Variants in ELK3 observed in about 807,000 individuals in gnomAD.
The protein encoded by ELK3 is ETS domain-containing protein Elk-3.
ELK3 carries 10 observed loss-of-function variants against 28.9 expected under a neutral mutation model. That is an observed-to-expected ratio of 0.35 (90% CI 0.21 to 0.59). The LOEUF (loss-of-function observed/expected upper bound fraction) is 0.59, where lower values mean the gene tolerates loss of function less well. Ranked by LOEUF, ELK3 falls within the 20% of genes least tolerant of loss-of-function variation. ELK3 has a pLI of 0.82. For synonymous variants in ELK3, 272 were observed against 243.5 expected (o/e 1.12, Z -1.09); for missense variants, 463 against 517.3 (o/e 0.90, Z 1.02).
intron 1 of ELK3, among the ~76,000 whole-genome samples, chr12:96,210,942 AAAG>A (rs891844375): frequency 7.9e-5 from 12 of 152,332 alleles, no homozygotes; most frequent in Non-Finnish European, 1.5e-4. Context: ...GCATATGAGA[AAAG>A]AAGCCTCTAC....
Position 96,267,234 on chromosome 12 carries a change from A to G in ELK3, c.*54A>G, listed in dbSNP as rs1239444211. 2.0e-6 allele frequency: 3 copies of G among 1,509,148 alleles called. No homozygotes were observed. Among genetic ancestry groups the G allele is most frequent in the Non-Finnish European group, 2.7e-6 (3 of 1,103,860 alleles). 93.5% of individuals were successfully genotyped at this position (1,509,148 alleles called of 1,614,324 possible). On this transcript the variant is annotated 3_prime_UTR_variant, in exon 5 of 5. Coordinates refer to ENST00000228741, the MANE Select transcript of ELK3 (RefSeq NM_005230.4). ...TAACTGATGAAACAAATTTGTCCCC[A>G]CGGGCTAGTTTACCTGTGTCGTGAG...
chr12:96,195,830 G>A (rs1262083530), intron 1 of ELK3, among the ~76,000 whole-genome samples: 1 of 152,094 alleles, frequency 6.6e-6, no homozygotes, highest in Non-Finnish European at 1.5e-5. Flanking sequence ...ATGTATTTGT[G>A]CCTTTTACAG....
chr12:96,255,289 A>G (rs1951939145), intron 3 of ELK3, among the ~76,000 whole-genome samples: 1 of 152,132 alleles, frequency 6.6e-6, no homozygotes, highest in Admixed American at 6.5e-5. Flanking sequence ...ACCCTGCAGG[A>G]AATTCGGGTG....
chr12:96,199,570 A>G (rs764114869), intron 1 of ELK3, among the ~76,000 whole-genome samples: 20 of 152,012 alleles, frequency 1.3e-4, no homozygotes, highest in Non-Finnish European at 2.5e-4. Context: ...AGTCTTTTAA[A>G]TAACTATTCT....
intron 1 of ELK3, among the ~76,000 whole-genome samples, chr12:96,217,832 G>A (rs934571506): frequency 3.3e-5 from 5 of 151,360 alleles, no homozygotes; most frequent in Non-Finnish European, 5.9e-5. Context: ...CAGCTACTTG[G>A]AAGGCTGAGG....
chr12:96,217,292 C>A (rs909651926), intron 1 of ELK3, among the ~76,000 whole-genome samples: 2 of 152,222 alleles, frequency 1.3e-5, no homozygotes, highest in African/African-American at 4.8e-5. Context: ...GCATTCTTGA[C>A]TCTAGAGAAG....
At chr12:96,235,652 A>G (rs1025937934) in intron 2 of ELK3, among the ~76,000 whole-genome samples, 3 of 152,078 alleles carry the variant, frequency 2.0e-5, no homozygotes, top group African/African-American at 7.2e-5. Context: ...AGCCAGGATG[A>G]GAAGACACTC....
chr12:96,196,152 C>A (rs1951464905), intron 1 of ELK3, among the ~76,000 whole-genome samples: 1 of 152,150 alleles, frequency 6.6e-6, no homozygotes, highest in Non-Finnish European at 1.5e-5. Context: ...GTTTCCGCTG[C>A]TCGGCACAGG....
intron 1 of ELK3, among the ~76,000 whole-genome samples, chr12:96,203,588 T>C (rs1460391485): frequency 6.6e-6 from 1 of 152,238 alleles, no homozygotes; most frequent in Non-Finnish European, 1.5e-5. Flanking sequence ...GCTATGCATA[T>C]GTCCATCTCT....
chr12:96,228,973 TA>T (rs1951723200), intron 2 of ELK3, among the ~76,000 whole-genome samples: 1 of 152,236 alleles, frequency 6.6e-6, no homozygotes, highest in African/African-American at 2.4e-5. Flanking sequence ...TCATTCCAGT[TA>T]TGTGTATTTA....
chr12:96,197,852 T>C (rs1350721834), intron 1 of ELK3, among the ~76,000 whole-genome samples: 1 of 152,268 alleles, frequency 6.6e-6, no homozygotes, highest in African/African-American at 2.4e-5. Flanking sequence ...TGAGGTCATA[T>C]ATTAAAATTT....
chr12:96,197,510 C>G (rs903874166), intron 1 of ELK3, among the ~76,000 whole-genome samples: 2 of 152,224 alleles, frequency 1.3e-5, no homozygotes, highest in Non-Finnish European at 2.9e-5. Context: ...TGGCCACATA[C>G]GTAACATAGC....
intron 1 of ELK3, among the ~76,000 whole-genome samples, chr12:96,204,434 C>T (rs117152008): frequency 6.6e-6 from 1 of 152,320 alleles, no homozygotes; most frequent in East Asian, 1.9e-4. Context: ...ATTGACTAAA[C>T]ACCCAAACGG....
chr12:96,204,257 C>G (rs1345292872), intron 1 of ELK3, among the ~76,000 whole-genome samples: 2 of 152,090 alleles, frequency 1.3e-5, no homozygotes, highest in East Asian at 3.9e-4. Flanking sequence ...TCGTAGTTCC[C>G]TTGGATAACC....
At chr12:96,194,980 C>T (rs993065017) in intron 1 of ELK3, among the ~76,000 whole-genome samples, 29 of 151,156 alleles carry the variant, frequency 1.9e-4, no homozygotes, top group African/African-American at 6.1e-4. Flanking sequence ...GCCCGCGGCT[C>T]CCCTCCCTGG....
chr12:96,260,790 C>G (rs1371133190), intron 4 of ELK3, among the ~76,000 whole-genome samples: 1 of 152,232 alleles, frequency 6.6e-6, no homozygotes, highest in African/African-American at 2.4e-5. Flanking sequence ...CTCATCGTCC[C>G]TGCCTGTATC....
At chr12:96,209,183 C>T (rs952062846) in intron 1 of ELK3, among the ~76,000 whole-genome samples, 12 of 151,928 alleles carry the variant, frequency 7.9e-5, no homozygotes, top group South Asian at 2.1e-4. Context: ...AGGATGCCAT[C>T]GATGCAAAAA....
chr12:96,235,607 G>A (rs993148039), intron 2 of ELK3, among the ~76,000 whole-genome samples: 15 of 152,162 alleles, frequency 9.9e-5, no homozygotes, highest in African/African-American at 2.9e-4. Context: ...GAGGATCTTC[G>A]AGGGGAGGGG....
intron 1 of ELK3, among the ~76,000 whole-genome samples, chr12:96,210,358 C>T (rs1951567470): frequency 6.6e-6 from 1 of 152,164 alleles, no homozygotes; most frequent in African/African-American, 2.4e-5. Context: ...TTTGGAGGCA[C>T]TGCTGGGTAC....
Sources: allele counts gnomAD v4.1 joint callset (sites outside exome capture counted in the v4.1 genomes callset), GRCh38; gene constraint gnomAD v4.1.1; transcripts MANE v1.5; gene names NCBI Gene and HGNC (gene_info 2026-07-23, HGNC 2026-07-21).